Variants in ADAMTSL1 observed in about 807,000 individuals in gnomAD.
ADAMTSL1 encodes the protein ADAMTS-like protein 1.
Under a neutral mutation model 201.8 loss-of-function variants are expected in ADAMTSL1, and 126 were observed. The ratio of observed to expected loss-of-function variants is 0.62; its 90% CI spans 0.54 to 0.72. ADAMTSL1 has a LOEUF of 0.72. Among genes scored for constraint, ADAMTSL1 ranks in the 30% least tolerant of loss-of-function variants. ADAMTSL1 has a pLI of 0.00. For synonymous variants in ADAMTSL1, 1,121 were observed against 903.4 expected, an observed-to-expected ratio of 1.24 and a Z score of -4.32; for missense variants, 2,679 against 2,277.8, an observed-to-expected ratio of 1.18 and a Z score of -3.59.
At chr9:18,153,124 C>T (rs555080469) in intron 1 of ADAMTSL1, among the ~76,000 whole-genome samples, 13 of 152,132 alleles carry the variant, frequency 8.5e-5, no homozygotes, top group Admixed American at 7.9e-4. Flanking sequence ...AGCCACATTT[C>T]ACTGTTGATT....
intron 23 of ADAMTSL1, among the ~76,000 whole-genome samples, chr9:18,875,748 A>G (rs1228138989): frequency 6.6e-6 from 1 of 152,214 alleles, no homozygotes; most frequent in African/African-American, 2.4e-5. Flanking sequence ...AATATTCTAC[A>G]AATATCTGTT....
intron 1 of ADAMTSL1, among the ~76,000 whole-genome samples, chr9:18,094,036 A>G (rs993386054): frequency 6.6e-6 from 1 of 152,154 alleles, no homozygotes. Context: ...TTTGTCAGAC[A>G]CTAGGACACT....
chr9:18,770,599 C>T lies in ADAMTSL1; in HGVS notation c.2218-3C>T, dbSNP rs1336237787. 1 of 1,606,536 alleles carries T rather than the reference C, an allele frequency of 6.2e-7. No individual in the cohort carries two copies. The highest frequency in any genetic ancestry group is 1.7e-5 in the Admixed American group (1 of 59,538). ...TTTCTTCTTTCCTTCTTTCTTTCCC[C>T]AGTGTTCCAGAACGTGTGGCGGGGG... On this transcript the variant is annotated splice_region_variant and splice_polypyrimidine_tract_variant and intron_variant, in intron 16 of 28. Transcript: ENST00000380548.
Position 18,535,085 on chromosome 9 carries a change from T to A in ADAMTSL1, c.237+1793T>A, listed in dbSNP as rs1198286029. Among the ~76,000 whole-genome samples the A allele has an allele frequency of 3.3e-5, 5 of 150,864 alleles. No individual in the cohort carries two copies. The South Asian group carries it at 8.3e-4, about 25-fold the overall frequency. On this transcript the variant is annotated intron_variant, in intron 3 of 28. Transcript: ENST00000380548. ...GGCTTGAATTTCTCCCAGAAAAAAA[T>A]TTTTTCTATTTCATCATCAGGCTGC...
chr9:17,965,739 C>G (rs1276163223), intron 1 of ADAMTSL1, among the ~76,000 whole-genome samples: 1 of 152,096 alleles, frequency 6.6e-6, no homozygotes, highest in African/African-American at 2.4e-5. Context: ...CTGGAGGCCC[C>G]AAGGGCATGT....
chr9:18,245,701 C>CT lies in ADAMTSL1; in HGVS notation c.207+81732dup, dbSNP rs562482883. 4.7e-3 allele frequency among the ~76,000 whole-genome samples: 677 copies of CT among 143,400 alleles called. 5 individuals are homozygous for CT. The highest frequency in any genetic ancestry group is 0.014 in the South Asian group (61 of 4,482). The allele number at this position is 143,400 out of a possible 152,430, so 94.1% of individuals were successfully genotyped here. A position where few individuals can be genotyped will look rare whatever the true frequency, so the allele number is the denominator to read the frequency against. Reference sequence around the variant, plus strand: ...GTGGAAAATAAGAACACAGTCCCTCCTTTTTTTTTTTTCAATGAAAGAGTA... The same window carrying CT: ...GTGGAAAATAAGAACACAGTCCCTCCTTTTTTTTTTTTTCAATGAAAGAGTA... On this transcript the variant is annotated intron_variant, in intron 2 of 29. Coordinates refer to the ADAMTSL1 transcript ENST00000680146.
At chr9:18,122,426 T>C (rs979027216) in intron 1 of ADAMTSL1, among the ~76,000 whole-genome samples, 4 of 152,234 alleles carry the variant, frequency 2.6e-5, no homozygotes, top group African/African-American at 9.6e-5. Flanking sequence ...TGGCAGAAGA[T>C]CAGGGCCCAG....
intron 2 of ADAMTSL1, among the ~76,000 whole-genome samples, chr9:18,390,838 A>G (rs1838015989): frequency 6.6e-6 from 1 of 152,240 alleles, no homozygotes; most frequent in African/African-American, 2.4e-5. Flanking sequence ...AACACTGACA[A>G]TGAGGACCCA....
intron 1 of ADAMTSL1, among the ~76,000 whole-genome samples, chr9:17,909,353 T>C (rs1442386801): frequency 5.5e-5 from 8 of 146,398 alleles, no homozygotes; most frequent in Non-Finnish European, 1.1e-4. Flanking sequence ...ATTTTGGCTT[T>C]TGTTGCCATT....
chr9:18,289,614 G>C (rs1833169545), intron 2 of ADAMTSL1, among the ~76,000 whole-genome samples: 1 of 152,194 alleles, frequency 6.6e-6, no homozygotes, highest in African/African-American at 2.4e-5. Flanking sequence ...ATCAGCCAGA[G>C]AGGCTCAGTT....
chr9:18,031,610 G>A (rs1331637551), intron 1 of ADAMTSL1, among the ~76,000 whole-genome samples: 4 of 152,176 alleles, frequency 2.6e-5, no homozygotes, highest in Non-Finnish European at 5.9e-5. Context: ...CTCTGGGGAA[G>A]GGGAGATGGG....
chr9:18,419,290 A>G (rs1818831869), intron 2 of ADAMTSL1, among the ~76,000 whole-genome samples: 1 of 152,222 alleles, frequency 6.6e-6, no homozygotes, highest in African/African-American at 2.4e-5. Flanking sequence ...AGGATTAGGC[A>G]AAGAGTTCTT....
chr9:18,105,658 C>T (rs900598180), intron 1 of ADAMTSL1, among the ~76,000 whole-genome samples: 10 of 152,078 alleles, frequency 6.6e-5, no homozygotes, highest in Non-Finnish European at 8.8e-5. Context: ...AGACCTTACC[C>T]GTAATGCCAA....
At chr9:18,379,297 A>G (rs1452716945) in intron 2 of ADAMTSL1, among the ~76,000 whole-genome samples, 2 of 152,086 alleles carry the variant, frequency 1.3e-5, no homozygotes, top group Non-Finnish European at 2.9e-5. Flanking sequence ...TGTGAGATCG[A>G]GAGATTCCAA....
chr9:18,892,506 C>T lies in ADAMTSL1; in HGVS notation c.4761C>T (p.Asp1587=), dbSNP rs1220463042. 2.5e-6 allele frequency: 4 copies of T among 1,605,006 alleles called. No homozygotes were observed. The highest frequency in any genetic ancestry group is 1.3e-5 in the African/African-American group (1 of 74,898). Residue 1587 remains aspartate, a synonymous_variant, in exon 26 of 29, where the codon GAC becomes GAT. Transcript: ENST00000380548. ...GGATCTCCACCCCTGTGTCCAATGA[C>T]ATGTGCACCCAGGTCGCCAAGCGGC... ...ASGISTPVSN[D]MCTQVAKRPV... is the part of the protein sequence containing the mutation.
intron 2 of ADAMTSL1, among the ~76,000 whole-genome samples, chr9:18,525,342 AT>A (rs1818968959): frequency 6.6e-6 from 1 of 151,548 alleles, no homozygotes; most frequent in Admixed American, 6.6e-5. Flanking sequence ...TTTCTTCTTT[AT>A]TACTCTTGCT....
At chr9:18,071,249 A>G (rs533747751) in intron 1 of ADAMTSL1, among the ~76,000 whole-genome samples, 10 of 152,316 alleles carry the variant, frequency 6.6e-5, no homozygotes, top group African/African-American at 2.2e-4. Flanking sequence ...GTTTGTTGTC[A>G]GATGTTTTTG....
chr9:17,946,232 C>G (rs987871065), intron 1 of ADAMTSL1, among the ~76,000 whole-genome samples: 1 of 151,586 alleles, frequency 6.6e-6, no homozygotes, highest in Non-Finnish European at 1.5e-5. Flanking sequence ...CTCCCGGGCT[C>G]AAGTGTTCCT....
chr9:18,519,522 A>G (rs965939444), intron 2 of ADAMTSL1, among the ~76,000 whole-genome samples: 2 of 152,172 alleles, frequency 1.3e-5, no homozygotes, highest in African/African-American at 2.4e-5. Context: ...TAATATTCAG[A>G]TCATTCCTAT....
Sources: allele counts gnomAD v4.1 joint callset (sites outside exome capture counted in the v4.1 genomes callset), GRCh38; gene constraint gnomAD v4.1.1; transcripts MANE v1.5; gene names NCBI Gene and HGNC (gene_info 2026-07-23, HGNC 2026-07-21).